Variants in ABCA13 observed in about 807,000 individuals in gnomAD.
ABCA13 encodes ATP-binding cassette sub-family A member 13.
Under a neutral mutation model 478.7 loss-of-function variants are expected in ABCA13, and 476 were observed. The ratio of observed to expected loss-of-function variants is 0.99; its 90% CI spans 0.92 to 1.07. ABCA13 has a LOEUF of 1.07. ABCA13 is among the 50% of genes least tolerant of loss of function. The pLI, the probability that ABCA13 is intolerant of heterozygous loss-of-function variation, is 0.00. For synonymous variants in ABCA13, 2,252 were observed against 2,158.9 expected, an observed-to-expected ratio of 1.04 and a Z score of -1.20; for missense variants, 6,060 against 5,910.6, an observed-to-expected ratio of 1.03 and a Z score of -0.83.
At chr7:48,412,750 AAC>A (rs1819446592) in intron 41 of ABCA13, among the ~76,000 whole-genome samples, 167 bp downstream of exon 41, 1 of 146,384 alleles carries the variant, frequency 6.8e-6, no homozygotes, top group Non-Finnish European at 1.5e-5. Context: ...CCAATAACTG[AAC>A]TTAACAGGCC....
intron 55 of ABCA13, among the ~76,000 whole-genome samples, chr7:48,531,649 G>T (rs1396092207): frequency 1.3e-5 from 2 of 149,594 alleles, no homozygotes; most frequent in African/African-American, 4.9e-5. Context: ...CCATTTGTTT[G>T]TATCATCTAT....
intron 42 of ABCA13, among the ~76,000 whole-genome samples, chr7:48,431,379 AAC>A (rs2129143801): frequency 6.6e-6 from 1 of 151,956 alleles, no homozygotes; most frequent in South Asian, 2.1e-4. Context: ...CAACAACAAC[AAC>A]AACAACAAAT....
At chr7:48,303,977 A>G (rs1028480511) in intron 23 of ABCA13, among the ~76,000 whole-genome samples, 2 of 152,218 alleles carry the variant, frequency 1.3e-5, no homozygotes, top group Admixed American at 1.3e-4. Flanking sequence ...GTAATTTATT[A>G]GCCTAATAAT....
At chr7:48,408,460 C>G (rs986344033) in intron 39 of ABCA13, among the ~76,000 whole-genome samples, 26 of 152,298 alleles carry the variant, frequency 1.7e-4, no homozygotes, top group African/African-American at 6.3e-4. Flanking sequence ...ATGCAAGGAG[C>G]TTGGCCTTGG....
intron 58 of ABCA13, among the ~76,000 whole-genome samples, chr7:48,609,439 A>G (rs1325801217): frequency 6.6e-6 from 1 of 152,298 alleles, no homozygotes; most frequent in Admixed American, 6.5e-5. Flanking sequence ...CTTTGTTGAA[A>G]AAAAGTCTCG....
Position 48,376,568 on chromosome 7 carries a change from T to A in ABCA13, c.11331T>A (p.Ile3777=). ...FLCGWYLSNL[I]PGTFGLRKPW... is the part of the protein sequence containing the mutation. ...GTGGATGGTACTTGAGCAACTTGATTCCTGGTAAGAATTTTGCCTTTTGTA... is the reference window on the plus strand; with the variant it reads ...GTGGATGGTACTTGAGCAACTTGATACCTGGTAAGAATTTTGCCTTTTGTA... The change falls in exon 35 of 62, where the codon ATT becomes ATA. Residue 3777 remains isoleucine (I), a synonymous_variant. Coordinates refer to ENST00000435803, the MANE Select transcript of ABCA13 (RefSeq NM_152701.5). 2 of 1,613,632 alleles carry A rather than the reference T, an allele frequency of 1.2e-6. No homozygotes were observed. The highest frequency in any genetic ancestry group is 1.7e-6 in the Non-Finnish European group (2 of 1,179,764).
At chr7:48,522,371 A>C (rs1024064779) in intron 53 of ABCA13, among the ~76,000 whole-genome samples, 2 of 152,018 alleles carry the variant, frequency 1.3e-5, no homozygotes, top group African/African-American at 4.8e-5. Flanking sequence ...GTTGTTTGCC[A>C]TGAATTCAGG....
chr7:48,476,513 G>C (rs1045304660), intron 45 of ABCA13, among the ~76,000 whole-genome samples: 1 of 152,146 alleles, frequency 6.6e-6, no homozygotes, highest in Non-Finnish European at 1.5e-5. Context: ...AAGAGGCAGG[G>C]GTGGTAGGTT....
chr7:48,193,040 T>C lies in ABCA13; in HGVS notation c.151T>C (p.Tyr51His), dbSNP rs1364650734. ...TVLRFQEPPR[Y>H]RDICYLQPRD... ...TCTTCGTTTTCAAGAACCTCCCAGA[T>C]ACAGAGACATTTGTAAGTTTCACTT... The change falls in exon 2 of 62, where the codon TAC becomes CAC. Residue 51 changes from tyrosine (Y) to histidine (H), a missense_variant. Physicochemically the swap from Tyr to His is moderately conservative, Grantham distance 83 (BLOSUM62 2). Around this residue, in one of 3 missense-constraint regions of ABCA13, gnomAD observed 4,423 missense variants for 4,309.1 expected, o/e 1.03. Coordinates refer to ENST00000435803, the MANE Select transcript of ABCA13 (RefSeq NM_152701.5). 2 of 1,534,084 alleles carry C rather than the reference T, an allele frequency of 1.3e-6. No individual in the cohort carries two copies. Among genetic ancestry groups the C allele is most frequent in the South Asian group, 1.2e-5 (1 of 83,102 alleles).
intron 48 of ABCA13, among the ~76,000 whole-genome samples, chr7:48,498,010 G>A (rs1321156937): frequency 3.3e-5 from 5 of 152,122 alleles, no homozygotes; most frequent in African/African-American, 9.7e-5. Flanking sequence ...TCAGCTCTTT[G>A]TTGGTCCCTC....
chr7:48,415,418 T>C (rs1204338953), intron 41 of ABCA13, among the ~76,000 whole-genome samples: 1 of 152,232 alleles, frequency 6.6e-6, no homozygotes, highest in Non-Finnish European at 1.5e-5. Context: ...GGTTGTTTAC[T>C]AGTTGTATGG....
chr7:48,209,165 A>G (rs1450289606), intron 3 of ABCA13, among the ~76,000 whole-genome samples: 1 of 152,120 alleles, frequency 6.6e-6, no homozygotes, highest in Non-Finnish European at 1.5e-5. Context: ...CCACTTGGTC[A>G]TAATAAATGT....
rs1189335427 is a variant in ABCA13, at chr7:48,455,258, T to TG, written c.12787_12788insG (p.Tyr4263Ter). ...YPPLRLTPGHYQRAETYFFSS... is the reference protein window; with the variant it reads ...YPPLRLTPGH ...TCCCCTCAGACTCACACCTGGACATTACCAGCGGGCCGAGACCTACTTTTT... is the reference window on the plus strand; with the variant it reads ...TCCCCTCAGACTCACACCTGGACATTGACCAGCGGGCCGAGACCTACTTTTT... Residue 4263 changes from tyrosine to a stop codon, truncating the protein, a stop_gained and frameshift_variant, in exon 43 of 62, where the codon TAC (tyrosine) becomes TGAC (stop). Transcript: ENST00000435803. LOFTEE classifies it high-confidence loss of function. The TG allele has an allele frequency of 1.2e-6, 2 of 1,606,638 alleles. No homozygotes were observed. The highest frequency in any genetic ancestry group is 4.5e-5 in the East Asian group (2 of 44,678).
At chr7:48,490,370 G>A (rs1829732921) in intron 48 of ABCA13, among the ~76,000 whole-genome samples, 1 of 152,110 alleles carries the variant, frequency 6.6e-6, no homozygotes, top group Non-Finnish European at 1.5e-5. Flanking sequence ...GACAATATTT[G>A]CCTACTTTAC....
chr7:48,335,513 G>A lies in ABCA13; in HGVS notation c.10091G>A (p.Gly3364Asp). The A allele has an allele frequency of 1.9e-6, 3 of 1,613,588 alleles. No individual in the cohort carries two copies. Among genetic ancestry groups the A allele is most frequent in the Non-Finnish European group, 2.5e-6 (3 of 1,179,656 alleles). Residue 3364 changes from glycine to aspartate, a missense_variant, in exon 28 of 62, where the codon GGC becomes GAC. Around this residue, in one of 3 missense-constraint regions of ABCA13, gnomAD observed 4,423 missense variants for 4,309.1 expected, o/e 1.03. Transcript: ENST00000435803. ...MSSLFQRSGS[G>D]QMFNQLQEAL... Reference sequence around the variant, plus strand: ...AGCCTTTTCCAGAGAAGTGGAAGTGGCCAGATGTTCAACCAGCTGCAGGTG... The same window carrying A: ...AGCCTTTTCCAGAGAAGTGGAAGTGACCAGATGTTCAACCAGCTGCAGGTG...
intron 49 of ABCA13, among the ~76,000 whole-genome samples, chr7:48,506,592 A>G (rs929409048): frequency 2.0e-5 from 3 of 152,210 alleles, no homozygotes; most frequent in African/African-American, 7.2e-5. Flanking sequence ...ACATTGACTG[A>G]GCTTAAAACA....
At chr7:48,239,535 C>G in intron 9 of ABCA13, 130 bp downstream of exon 9, 1 of 1,099,888 alleles carries the variant, frequency 9.1e-7, no homozygotes, top group Non-Finnish European at 1.3e-6. Flanking sequence ...CCTTAGGAGC[C>G]CCACATCCTG....
intron 50 of ABCA13, among the ~76,000 whole-genome samples, 193 bp from the exon 51 acceptor site, chr7:48,510,891 A>G (rs1831618807): frequency 6.6e-6 from 1 of 151,872 alleles, no homozygotes; most frequent in African/African-American, 2.4e-5. Flanking sequence ...GGTTCAATGT[A>G]TAAATTGTGG....
chr7:48,605,275 T>A (rs923296653), intron 58 of ABCA13, among the ~76,000 whole-genome samples: 1 of 152,234 alleles, frequency 6.6e-6, no homozygotes, highest in Non-Finnish European at 1.5e-5. Flanking sequence ...ATCATTATGA[T>A]GCTAGCTGGT....
Sources: allele counts gnomAD v4.1 joint callset (sites outside exome capture counted in the v4.1 genomes callset), GRCh38; gene constraint gnomAD v4.1.1; regional missense constraint gnomAD v4.1.1; transcripts MANE v1.5; gene names NCBI Gene and HGNC (gene_info 2026-07-23, HGNC 2026-07-21).